CD8B2: variants seen among roughly 807,000 people sequenced by gnomAD.
CD8B2 encodes the protein CD8B family member 2, also known as T-cell surface glycoprotein CD8 beta-2 chain.
Under a neutral mutation model 23.7 loss-of-function variants are expected in CD8B2, and 11 were observed. That is an observed-to-expected ratio of 0.46 (90% CI 0.29 to 0.77). CD8B2 has a LOEUF of 0.77. Ranked by LOEUF, CD8B2 falls within the 30% of genes least tolerant of loss-of-function variation. The pLI, the probability that CD8B2 is intolerant of heterozygous loss-of-function variation, is 0.09. For missense variants in CD8B2, 197 were observed against 270.5 expected, an observed-to-expected ratio of 0.73 and a Z score of 1.91; for synonymous variants, 90 against 109.3, an observed-to-expected ratio of 0.82 and a Z score of 1.10.
At chr2:106,532,862 CT>C (rs957437730) in intron 5 of CD8B2, among the ~76,000 whole-genome samples, 2 of 152,186 alleles carry the variant, frequency 1.3e-5, no homozygotes, top group African/African-American at 4.8e-5. Flanking sequence ...TGCTGACCTC[CT>C]ATCTCATTCT....
At chr2:106,528,956 C>T (rs899666780) in intron 5 of CD8B2, among the ~76,000 whole-genome samples, 7 of 152,118 alleles carry the variant, frequency 4.6e-5, no homozygotes, top group African/African-American at 1.7e-4. Flanking sequence ...GTTTTCTCGA[C>T]GAGTTTCCTG....
At chr2:106,495,304 A>G (rs1323777337) in intron 2 of CD8B2, among the ~76,000 whole-genome samples, 3 of 151,966 alleles carry the variant, frequency 2.0e-5, no homozygotes, top group African/African-American at 7.3e-5. Flanking sequence ...GCCCGAGGTG[A>G]GTGGATTGGA....
At chr2:106,490,456 G>A (rs1435904434) in intron 1 of CD8B2, among the ~76,000 whole-genome samples, 1 of 152,154 alleles carries the variant, frequency 6.6e-6, no homozygotes, top group East Asian at 1.9e-4. Flanking sequence ...GAGCCCAGGA[G>A]GTCAAGGCTG....
intron 5 of CD8B2, among the ~76,000 whole-genome samples, chr2:106,534,381 A>G (rs1680054823): frequency 6.6e-6 from 1 of 152,202 alleles, no homozygotes; most frequent in South Asian, 2.1e-4. Flanking sequence ...TAGCCCTCTG[A>G]AAGAAAAAGA....
intron 2 of CD8B2, among the ~76,000 whole-genome samples, chr2:106,493,801 A>C (rs1450908318): frequency 6.6e-6 from 1 of 152,208 alleles, no homozygotes; most frequent in African/African-American, 2.4e-5. Context: ...CTGGCTCTGC[A>C]GCCAGTGGCT....
intron 3 of CD8B2, among the ~76,000 whole-genome samples, chr2:106,498,029 A>G (rs1205848251): frequency 6.6e-6 from 1 of 152,242 alleles, no homozygotes; most frequent in Non-Finnish European, 1.5e-5. Flanking sequence ...AAATTCTAGA[A>G]GCAATCTGCC....
chr2:106,542,284 G>A (rs746901552), intron 5 of CD8B2, among the ~76,000 whole-genome samples: 1 of 152,102 alleles, frequency 6.6e-6, no homozygotes, highest in Non-Finnish European at 1.5e-5. Flanking sequence ...GGCTCACTGC[G>A]GGCAGTAACT....
chr2:106,540,307 T>C (rs770955031), intron 5 of CD8B2, among the ~76,000 whole-genome samples: 32 of 152,220 alleles, frequency 2.1e-4, no homozygotes, highest in Non-Finnish European at 3.4e-4. Flanking sequence ...TTCATTATTT[T>C]ATTTAAAAAG....
At chr2:106,516,946 CAT>C (rs992678137) in intron 5 of CD8B2, among the ~76,000 whole-genome samples, 1 of 146,800 alleles carries the variant, frequency 6.8e-6, no homozygotes. Context: ...TTATATATAA[CAT>C]GTACTTATAT....
chr2:106,535,891 C>A (rs535930648), intron 5 of CD8B2, among the ~76,000 whole-genome samples: 1 of 152,220 alleles, frequency 6.6e-6, no homozygotes, highest in African/African-American at 2.4e-5. Context: ...GCAGGCTGTG[C>A]AGGAAGCATA....
At chr2:106,495,027 G>A (rs556032039) in intron 2 of CD8B2, among the ~76,000 whole-genome samples, 3 of 152,106 alleles carry the variant, frequency 2.0e-5, no homozygotes, top group East Asian at 1.9e-4. Context: ...GGAGGGGCTC[G>A]TTGTGCCAAA....
intron 4 of CD8B2, among the ~76,000 whole-genome samples, 197 bp from the exon 5 acceptor site, chr2:106,504,092 C>T (rs538694224): frequency 1.4e-3 from 217 of 152,278 alleles, no homozygotes; most frequent in Admixed American, 3.5e-3. Context: ...AAATGGAGAT[C>T]TTAAAAGTAG....
chr2:106,504,756 C>T (rs1463009208), intron 5 of CD8B2, among the ~76,000 whole-genome samples: 5 of 152,154 alleles, frequency 3.3e-5, no homozygotes, highest in Non-Finnish European at 4.4e-5. Context: ...CGCAGAGTAT[C>T]CCAAACTCAT....
At position 106,507,522 on chromosome 2, in the gene CD8B2, T is replaced by G. The variant is rs1474128910; in HGVS notation, c.*582T>G. 6 of 984,178 alleles carry G rather than the reference T, an allele frequency of 6.1e-6. No homozygotes were observed. The African/African-American group carries it at 1.0e-4, about 17-fold the overall frequency. The allele number at this position is 984,178 out of a possible 1,614,324, so 61.0% of individuals were successfully genotyped here. A position where few individuals can be genotyped will look rare whatever the true frequency, so the allele number is the denominator to read the frequency against. ...GCGGGTTTGAGGATAGGAGTTCACT[T>G]CATCTTCTTAGCTCCAATTTCTACT... is the stretch of plus-strand genomic sequence containing the variant. On this transcript the variant is annotated 3_prime_UTR_variant, in exon 6 of 6. Transcript: ENST00000643224.
Position 106,500,149 on chromosome 2 carries a change from TG to T in CD8B2, c.494-2322del, listed in dbSNP as rs200228330. ...CACCCTGGTCCTGCCTTTTAGTAGCTGGGTGACCTTGGTTATATAATTTAAC... is the reference window on the plus strand; with the variant it reads ...CACCCTGGTCCTGCCTTTTAGTAGCTGGTGACCTTGGTTATATAATTTAAC... On this transcript the variant is annotated intron_variant, in intron 3 of 5. Coordinates refer to ENST00000643224, the MANE Select transcript of CD8B2 (RefSeq NM_001349727.2). 1.0e-2 allele frequency among the ~76,000 whole-genome samples: 772 copies of T among 77,204 alleles called. 3 individuals are homozygous for T. The highest frequency in any genetic ancestry group is 0.015 in the Non-Finnish European group (577 of 38,564). The allele number at this position is 77,204 out of a possible 152,430, so 50.6% of individuals were successfully genotyped here.
intron 5 of CD8B2, among the ~76,000 whole-genome samples, chr2:106,534,782 G>T (rs1441169084): frequency 3.3e-5 from 5 of 151,678 alleles, no homozygotes; most frequent in African/African-American, 4.8e-5. Context: ...CACTGGAAGA[G>T]AATATATATT....
intron 4 of CD8B2, 77 bp downstream of exon 4, chr2:106,502,640 G>A: frequency 1.3e-6 from 1 of 774,786 alleles, no homozygotes; most frequent in Non-Finnish European, 2.1e-6. Flanking sequence ...TCTTCTCTAG[G>A]GGAGCAGAGC....
intron 5 of CD8B2, among the ~76,000 whole-genome samples, chr2:106,539,688 A>G (rs181169749): frequency 2.6e-5 from 4 of 152,348 alleles, no homozygotes; most frequent in East Asian, 1.9e-4. Flanking sequence ...TTTGGCTTCA[A>G]TGCATCAAAC....
intron 4 of CD8B2, among the ~76,000 whole-genome samples, chr2:106,503,212 G>A (rs913031632): frequency 2.7e-4 from 41 of 152,070 alleles, no homozygotes; most frequent in Admixed American, 1.2e-3. Context: ...ACTCTACCCC[G>A]GTTCTTCTGC....
Sources: gnomAD v4.1 joint callset for allele counts (sites outside exome capture counted in the v4.1 genomes callset) on GRCh38, gnomAD v4.1.1 for gene constraint, MANE v1.5 for transcripts, NCBI Gene and HGNC (gene_info 2026-07-23, HGNC 2026-07-21) for gene names.